Variants in STARD3NL observed in about 807,000 individuals in gnomAD.
STARD3NL encodes STARD3 N-terminal-like protein.
In STARD3NL, 17 loss-of-function variants were observed where a neutral mutation model predicts 30.9. The observed-to-expected ratio is 0.55, with a 90% CI of 0.38 to 0.82. The LOEUF is 0.82. STARD3NL is among the 40% of genes least tolerant of loss of function. STARD3NL has a pLI of 0.00. For missense variants in STARD3NL, 234 were observed against 277.6 expected (o/e 0.84, Z 1.12); for synonymous variants, 112 against 100.5 (o/e 1.11, Z -0.69).
chr7:38,219,549 A>C lies in STARD3NL; in HGVS notation c.554-16A>C, dbSNP rs1263356336. On this transcript the variant is annotated splice_polypyrimidine_tract_variant and intron_variant, in intron 6 of 8. Coordinates refer to ENST00000009041, the MANE Select transcript of STARD3NL (RefSeq NM_032016.4). ...AGGTGACCTCATTCCCAACATCTGA[A>C]TTTCTTCTCTTCCAGGACTCCTGAT... 1 of 1,571,256 alleles carries C rather than the reference A, an allele frequency of 6.4e-7. No individual in the cohort carries two copies. Among genetic ancestry groups the C allele is most frequent in the East Asian group, 2.3e-5 (1 of 44,228 alleles).
At chr7:38,222,794 A>G (rs1419015325) in intron 7 of STARD3NL, among the ~76,000 whole-genome samples, 1 of 152,198 alleles carries the variant, frequency 6.6e-6, no homozygotes, top group African/African-American at 2.4e-5. Flanking sequence ...ACAGGTTACT[A>G]ATGGGCAGAG....
At chr7:38,207,783 G>A in intron 2 of STARD3NL, 54 bp downstream of exon 2, 1 of 1,520,980 alleles carries the variant, frequency 6.6e-7, no homozygotes, top group Non-Finnish European at 9.0e-7. Context: ...GAGACAACAG[G>A]GTTTTTTTGT....
intron 1 of STARD3NL, among the ~76,000 whole-genome samples, chr7:38,203,370 G>A (rs1224508064): frequency 2.6e-5 from 4 of 152,110 alleles, no homozygotes; most frequent in Non-Finnish European, 5.9e-5. Context: ...TTCATATCTA[G>A]CCAAACTAAG....
rs1197878469 is a variant in STARD3NL, at chr7:38,215,089, A to G, written c.365A>G (p.His122Arg). Residue 122 changes from histidine to arginine, a missense_variant, in exon 4 of 9, where the codon CAT becomes CGT. Physicochemically the swap from His to Arg is conservative, Grantham distance 29. Coordinates refer to ENST00000009041, the MANE Select transcript of STARD3NL (RefSeq NM_032016.4). ...ILAYAVCRLR[H>R]WWAIALTTAV... ...GCATATGCTGTGTGCAGACTGCGCC[A>G]TTGGTGGGCAATAGCGGTGAGTATG... 1.9e-6 allele frequency: 3 copies of G among 1,614,026 alleles called. No individual in the cohort carries two copies. The highest frequency in any genetic ancestry group is 2.5e-6 in the Non-Finnish European group (3 of 1,179,950).
At chr7:38,198,857 G>A (rs935383067) in intron 1 of STARD3NL, among the ~76,000 whole-genome samples, 1 of 152,146 alleles carries the variant, frequency 6.6e-6, no homozygotes, top group African/African-American at 2.4e-5. Flanking sequence ...GTTTTGACCC[G>A]GCTCTGTACC....
chr7:38,198,204 C>A (rs1309004404), intron 1 of STARD3NL: 1 of 152,226 alleles, frequency 6.6e-6, no homozygotes, highest in African/African-American at 2.4e-5. Context: ...CTTGAAATAT[C>A]TCTTAGATGG....
chr7:38,179,437 C>T (rs938098756), intron 1 of STARD3NL, among the ~76,000 whole-genome samples: 8 of 152,188 alleles, frequency 5.3e-5, no homozygotes, highest in Admixed American at 5.2e-4. Flanking sequence ...TCTTTTAAAA[C>T]TGCATTATTG....
rs142206522 is a variant in STARD3NL, at chr7:38,230,232, A to G, written c.*327A>G. Reference sequence around the variant, plus strand: ...AAAAGACTTAATATATTGAAGTAACACTTTTTTAGTAAGCAAGATACCTTT... The same window carrying G: ...AAAAGACTTAATATATTGAAGTAACGCTTTTTTAGTAAGCAAGATACCTTT... On this transcript the variant is annotated 3_prime_UTR_variant, in exon 9 of 9. Transcript: ENST00000009041. 1 of 152,780 alleles carries G rather than the reference A, an allele frequency of 6.5e-6. No individual in the cohort carries two copies. The highest frequency in any genetic ancestry group is 2.4e-5 in the African/African-American group (1 of 41,576). The allele number at this position is 152,780 out of a possible 1,614,324, so 9.5% of individuals were successfully genotyped here.
intron 1 of STARD3NL, among the ~76,000 whole-genome samples, chr7:38,197,440 GCT>G (rs1437420044): frequency 6.6e-6 from 1 of 151,942 alleles, no homozygotes; most frequent in Non-Finnish European, 1.5e-5. Flanking sequence ...TGCCCAGGCA[GCT>G]CTCAAACTAC....
At chr7:38,219,946 G>T (rs760953276) in intron 7 of STARD3NL, among the ~76,000 whole-genome samples, 3 of 152,110 alleles carry the variant, frequency 2.0e-5, no homozygotes, top group Non-Finnish European at 4.4e-5. Context: ...CATTATTGCG[G>T]TTCATCACCA....
chr7:38,217,268 T>C lies in STARD3NL; in HGVS notation c.516T>C (p.Asp172=). The C allele has an allele frequency of 6.2e-7, 1 of 1,614,006 alleles. No individual in the cohort carries two copies. Among genetic ancestry groups the C allele is most frequent in the Non-Finnish European group, 8.5e-7 (1 of 1,179,922 alleles). The change falls in exon 6 of 9, where the codon GAT becomes GAC. Residue 172 remains aspartate (D), a synonymous_variant. Transcript: ENST00000009041. ...CCTGGATTGAGACGTGGTTCCTGGA[T>C]TTCAAAGTGTTACCTCAAGAAGCAG... ...ILAWIETWFL[D]FKVLPQEAEE...
chr7:38,220,209 C>A (rs1328494885), intron 7 of STARD3NL, among the ~76,000 whole-genome samples: 6 of 152,200 alleles, frequency 3.9e-5, no homozygotes, highest in Admixed American at 2.6e-4. Flanking sequence ...GCCTTTGTCT[C>A]CCTGCCTCCA....
chr7:38,212,326 G>A lies in STARD3NL; in HGVS notation c.226-2031G>A, dbSNP rs537423977. 1.1e-4 allele frequency among the ~76,000 whole-genome samples: 17 copies of A among 152,216 alleles called. No individual in the cohort carries two copies. In the South Asian group the frequency reaches 3.5e-3, roughly 32 times the overall value. On this transcript the variant is annotated intron_variant, in intron 2 of 8. Transcript: ENST00000009041. ...AGGAATAAGCTCCTTTCTATCTTGG[G>A]ACCCTTCTACTAGTTGTTTCTTCTA...
Position 38,216,480 on chromosome 7 carries a change from T to A in STARD3NL, c.382-545T>A, listed in dbSNP as rs570982824. The A allele has an allele frequency of 2.3e-3, 345 of 152,898 alleles. 3 individuals are homozygous for A. The highest frequency in any genetic ancestry group is 8.0e-3 in the African/African-American group (330 of 41,188). 9.5% of individuals were successfully genotyped at this position (152,898 alleles called of 1,614,324 possible). A position where few individuals can be genotyped will look rare whatever the true frequency, so the allele number is the denominator to read the frequency against. On this transcript the variant is annotated intron_variant, in intron 4 of 8. Transcript: ENST00000009041. ...CTCTGTGTGTGTGTGTGTGTGTGTG[T>A]GTGAGTGTGTGTGTGTGTGTGTCTG...
intron 1 of STARD3NL, among the ~76,000 whole-genome samples, chr7:38,187,956 G>T (rs1784528796): frequency 6.6e-6 from 1 of 151,928 alleles, no homozygotes; most frequent in Admixed American, 6.6e-5. Context: ...AAATGCTTTG[G>T]GCTCCTTACT....
rs116480309 is a variant in STARD3NL at position 38,215,559 on chromosome 7, A to G, written c.381+454A>G. The G allele has an allele frequency of 5.9e-3, 935 of 159,072 alleles. 11 individuals are homozygous for G. The highest frequency in any genetic ancestry group is 0.022 in the African/African-American group (902 of 41,660). 9.9% of individuals were successfully genotyped at this position (159,072 alleles called of 1,614,324 possible). A position where few individuals can be genotyped will look rare whatever the true frequency, so the allele number is the denominator to read the frequency against. On this transcript the variant is annotated intron_variant, in intron 4 of 8. Transcript: ENST00000009041. ...CCCTGTCTTGGAGGGAAAAGCTCTCAGTCTCTCTGTTGTTGCCTTGGACTT... is the reference window on the plus strand; with the variant it reads ...CCCTGTCTTGGAGGGAAAAGCTCTCGGTCTCTCTGTTGTTGCCTTGGACTT...
intron 7 of STARD3NL, among the ~76,000 whole-genome samples, chr7:38,223,009 A>G (rs1383616602): frequency 6.6e-6 from 1 of 152,176 alleles, no homozygotes; most frequent in African/African-American, 2.4e-5. Flanking sequence ...TTGCCCTGCT[A>G]CAGCACTGAC....
At chr7:38,209,283 C>T (rs1237969206) in intron 2 of STARD3NL, among the ~76,000 whole-genome samples, 1 of 146,822 alleles carries the variant, frequency 6.8e-6, no homozygotes, top group Non-Finnish European at 1.5e-5. Context: ...GGAAATGCGT[C>T]TTTTTTTTTT....
Position 38,215,029 on chromosome 7 carries a change from T to C in STARD3NL, c.305T>C (p.Leu102Pro). 1 of 1,613,806 alleles carries C rather than the reference T, an allele frequency of 6.2e-7. No individual in the cohort carries two copies. Among genetic ancestry groups the C allele is most frequent in the Non-Finnish European group, 8.5e-7 (1 of 1,179,790 alleles). The change falls in exon 4 of 9, where the codon CTT becomes CCT. Residue 102 changes from leucine (L) to proline (P), a missense_variant and splice_region_variant. By Grantham distance (98) the Leu-to-Pro change is moderately conservative. Coordinates refer to ENST00000009041, the MANE Select transcript of STARD3NL (RefSeq NM_032016.4). ...DYYSSYFDIF[L>P]LAVFRFKVLI... ...ATCCCTTTATTTTCTTACTTTCAGC[T>C]TCTGGCAGTTTTTCGATTTAAAGTG...
Sources: allele counts gnomAD v4.1 joint callset (sites outside exome capture counted in the v4.1 genomes callset), GRCh38; gene constraint gnomAD v4.1.1; transcripts MANE v1.5; gene names NCBI Gene and HGNC (gene_info 2026-07-23, HGNC 2026-07-21).